Variants in PRMT8 observed in about 807,000 individuals in gnomAD.
PRMT8 encodes the protein protein arginine methyltransferase 8.
PRMT8 carries 7 observed loss-of-function variants against 47.1 expected under a neutral mutation model. The ratio of observed to expected loss-of-function variants is 0.15; its 90% confidence interval spans 0.08 to 0.28. The LOEUF (loss-of-function observed/expected upper bound fraction) is 0.28, where lower values mean the gene tolerates loss of function less well. Ranked by LOEUF, PRMT8 falls within the 10% of genes least tolerant of loss-of-function variation. PRMT8 has a pLI of 1.00. For missense variants in PRMT8, 237 were observed against 505.4 expected (o/e 0.47, Z 5.09); for synonymous variants, 188 against 186.5 (o/e 1.01, Z -0.07).
intron 1 of PRMT8, among the ~76,000 whole-genome samples, chr12:3,479,809 A>G (rs1385253858): frequency 6.6e-6 from 1 of 151,926 alleles, no homozygotes; most frequent in Non-Finnish European, 1.5e-5. Flanking sequence ...CCTGCTGTAG[A>G]GAGTTTTTAT....
intron 3 of PRMT8, chr12:3,551,218 A>G (rs1866415833): frequency 1.3e-5 from 2 of 152,260 alleles, no homozygotes; most frequent in South Asian, 4.1e-4. Flanking sequence ...CCCTTGGGCC[A>G]TGGCTGCCGA....
intron 1 of PRMT8, among the ~76,000 whole-genome samples, chr12:3,383,114 T>C (rs998378342): frequency 2.6e-5 from 4 of 152,240 alleles, no homozygotes; most frequent in Non-Finnish European, 5.9e-5. Context: ...AGTGTAGCTG[T>C]ATATTTTGAT....
At chr12:3,549,543 C>T (rs1418544819) in intron 2 of PRMT8, among the ~76,000 whole-genome samples, 11 of 151,604 alleles carry the variant, frequency 7.3e-5, no homozygotes, top group Admixed American at 4.6e-4. Context: ...AATATACACT[C>T]ACAAAAACCT....
chr12:3,466,945 G>A (rs571913710), intron 1 of PRMT8, among the ~76,000 whole-genome samples: 1 of 152,234 alleles, frequency 6.6e-6, no homozygotes, highest in South Asian at 2.1e-4. Flanking sequence ...TTAAGAAATT[G>A]TGTCAGAGAT....
Position 3,497,140 on chromosome 12 carries a change from A to C in PRMT8, c.75+5440A>C, listed in dbSNP as rs1309376290. Among the ~76,000 whole-genome samples the C allele has an allele frequency of 2.6e-5, 4 of 152,294 alleles. No homozygotes were observed. The South Asian group carries it at 8.3e-4, about 32-fold the overall frequency. ...ACACCTTGGAGTCTACTCTGCCAGC[A>C]GGGGGAAAATGGGCAGCCTGAAAAT... On this transcript the variant is annotated intron_variant, in intron 1 of 9. Transcript: ENST00000382622.
intron 1 of PRMT8, among the ~76,000 whole-genome samples, chr12:3,416,742 G>A (rs1046413635): frequency 2.0e-5 from 3 of 152,198 alleles, no homozygotes; most frequent in African/African-American, 7.2e-5. Flanking sequence ...GATATTAGAA[G>A]GAGAAAAACA....
Position 3,576,779 on chromosome 12 carries a change from C to A in PRMT8, c.713-92C>A. ...CAAGGGAACTCGAGCTGCCACTCAG[C>A]CCTCAGGCACGCTGTGCTCTAGGAC... On this transcript the variant is annotated intron_variant, in intron 6 of 9. Coordinates refer to ENST00000382622, the MANE Select transcript of PRMT8 (RefSeq NM_019854.5). This position sits in a 1 kb window ranked among gnomAD's most constrained non-coding sequence, Gnocchi z 4.0. The A allele has an allele frequency of 1.1e-6, 1 of 948,838 alleles. No homozygotes were observed. Among genetic ancestry groups the A allele is most frequent in the East Asian group, 2.4e-5 (1 of 41,464 alleles). 58.8% of individuals were successfully genotyped at this position (948,838 alleles called of 1,614,324 possible).
rs373815242 is a variant in PRMT8 at position 3,482,842 on chromosome 12, A to G, written c.49-57764A>G. On this transcript the variant is annotated intron_variant, in intron 1 of 9. Transcript: ENST00000452611. ...GGTGAGGCAATTTACAGCAGCCCAT[A>G]ATAGTAGGTTTTACCAGGCCCATCT... Among the ~76,000 whole-genome samples, 13 of 152,268 alleles carry G rather than the reference A, an allele frequency of 8.5e-5. No individual in the cohort carries two copies. The East Asian group carries it at 1.7e-3, about 20-fold the overall frequency.
In PRMT8 at chr12:3,493,964, G is replaced by A. The variant is rs1865465221; in HGVS notation, c.75+2264G>A. ...ACTTGGTCAAACGTGCCTAGCGGAG[G>A]CATCCAGGCAGCGTGACAATCACTT... On this transcript the variant is annotated intron_variant, in intron 1 of 9. Coordinates refer to ENST00000382622, the MANE Select transcript of PRMT8 (RefSeq NM_019854.5). The surrounding 1 kb of genome is among the most constrained non-coding windows in gnomAD (Gnocchi z 8.2). Among the ~76,000 whole-genome samples the A allele has an allele frequency of 6.6e-6, 1 of 152,218 alleles. No homozygotes were observed. Among genetic ancestry groups the A allele is most frequent in the Non-Finnish European group, 1.5e-5 (1 of 68,038 alleles).
intron 1 of PRMT8, among the ~76,000 whole-genome samples, chr12:3,391,396 CAG>C (rs1212237782): frequency 1.3e-5 from 2 of 152,196 alleles, no homozygotes; most frequent in African/African-American, 2.4e-5. Context: ...AGAAGGAAGT[CAG>C]GGGGCAGCCA....
intron 1 of PRMT8, among the ~76,000 whole-genome samples, chr12:3,505,135 G>C (rs1428471695): frequency 2.0e-5 from 3 of 150,066 alleles, no homozygotes; most frequent in Admixed American, 6.6e-5. Flanking sequence ...CGGTACCTCA[G>C]ATGGAAATGC....
At chr12:3,442,793 G>T (rs2137075044) in intron 1 of PRMT8, among the ~76,000 whole-genome samples, 1 of 152,158 alleles carries the variant, frequency 6.6e-6, no homozygotes, top group South Asian at 2.1e-4. Context: ...TGAGTAGCTG[G>T]GACTACAGGT....
At chr12:3,421,198 G>A (rs1864537119) in intron 1 of PRMT8, among the ~76,000 whole-genome samples, 1 of 152,170 alleles carries the variant, frequency 6.6e-6, no homozygotes, top group Non-Finnish European at 1.5e-5. Context: ...TAGCATCGAG[G>A]AGCAGACATT....
At chr12:3,496,240 TGAATGTTC>T (rs1865509711) in intron 1 of PRMT8, among the ~76,000 whole-genome samples, 1 of 110,348 alleles carries the variant, frequency 9.1e-6, no homozygotes, top group African/African-American at 3.5e-5. Context: ...TTTTTTTTTT[TGAATGTTC>T]TGTTGACTTG....
chr12:3,488,203 T>C (rs529423234), upstream of PRMT8, among the ~76,000 whole-genome samples: 1 of 152,324 alleles, frequency 6.6e-6, no homozygotes, highest in South Asian at 2.1e-4. Flanking sequence ...AGGTCAAGAA[T>C]AATCTCTGGC....
chr12:3,412,333 T>C (rs1864439449), intron 1 of PRMT8, among the ~76,000 whole-genome samples: 1 of 152,242 alleles, frequency 6.6e-6, no homozygotes, highest in African/African-American at 2.4e-5. Context: ...TTGTTCTGTG[T>C]GAGTCAGTGA....
intron 1 of PRMT8, among the ~76,000 whole-genome samples, chr12:3,432,157 G>T (rs2088960869): frequency 6.6e-6 from 1 of 152,226 alleles, no homozygotes; most frequent in Non-Finnish European, 1.5e-5. Flanking sequence ...TTTGGGCAGA[G>T]GCCTGGTGTG....
At chr12:3,397,990 A>T (rs559530007) in intron 1 of PRMT8, among the ~76,000 whole-genome samples, 1 of 152,002 alleles carries the variant, frequency 6.6e-6, no homozygotes, top group African/African-American at 2.4e-5. Context: ...GCCGTCCATC[A>T]CCCCTTTGAC....
intron 1 of PRMT8, among the ~76,000 whole-genome samples, chr12:3,467,352 C>T (rs968682197): frequency 4.6e-5 from 7 of 151,884 alleles, no homozygotes; most frequent in African/African-American, 1.7e-4. Context: ...AAGCCACTTC[C>T]GATGAAGAAG....
Sources: allele counts gnomAD v4.1 joint callset (sites outside exome capture counted in the v4.1 genomes callset), GRCh38; gene constraint gnomAD v4.1.1; non-coding constraint Gnocchi (gnomAD v3.1); transcripts MANE v1.5; gene names NCBI Gene and HGNC (gene_info 2026-07-23, HGNC 2026-07-21).